Variants in MRPL3 observed in about 807,000 individuals in gnomAD.
The protein encoded by MRPL3 is large ribosomal subunit protein uL3m.
MRPL3 carries 43 observed loss-of-function variants against 44.3 expected under a neutral mutation model. That is an observed-to-expected ratio of 0.97 (90% CI 0.76 to 1.25). The LOEUF is 1.25. MRPL3 is among the 50% of genes most tolerant of loss of function. The probability of loss-of-function intolerance (pLI) is 0.00; values close to 1 mark genes in which losing one functional copy is unlikely to be tolerated. For synonymous variants in MRPL3, 171 were observed against 152.3 expected, an observed-to-expected ratio of 1.12 and a Z score of -0.91; for missense variants, 406 against 427.6, an observed-to-expected ratio of 0.95 and a Z score of 0.45.
At chr3:131,469,488 G>T (rs532400827) in intron 8 of MRPL3, among the ~76,000 whole-genome samples, 1 of 148,346 alleles carries the variant, frequency 6.7e-6, no homozygotes, top group South Asian at 2.1e-4. Context: ...TTCATGGCCT[G>T]AAATATACCC....
intron 7 of MRPL3, 147 bp from the exon 8 acceptor site, chr3:131,469,920 T>C (rs2110695839): frequency 1.8e-6 from 1 of 555,958 alleles, no homozygotes; most frequent in Admixed American, 3.3e-5. Context: ...GAACTAAATA[T>C]GGATTTAGGC....
At chr3:131,466,201 G>T (rs1933597738) in intron 9 of MRPL3, among the ~76,000 whole-genome samples, 3 of 151,638 alleles carry the variant, frequency 2.0e-5, no homozygotes. Flanking sequence ...GCTAGTAATG[G>T]AACCTAGAAA....
chr3:131,474,570 G>C (rs1280310087), intron 6 of MRPL3, among the ~76,000 whole-genome samples: 1 of 152,054 alleles, frequency 6.6e-6, no homozygotes, highest in African/African-American at 2.4e-5. Flanking sequence ...AATGATAAAT[G>C]CATGAAGTAA....
chr3:131,463,063 C>T (rs561429322), intron 9 of MRPL3, among the ~76,000 whole-genome samples, 188 bp from the exon 10 acceptor site: 5 of 152,170 alleles, frequency 3.3e-5, no homozygotes, highest in Non-Finnish European at 7.4e-5. Flanking sequence ...TTGACTAATC[C>T]AGTAACAGAA....
intron 6 of MRPL3, among the ~76,000 whole-genome samples, chr3:131,471,559 A>G (rs1264016232): frequency 1.3e-5 from 2 of 152,186 alleles, no homozygotes; most frequent in South Asian, 2.1e-4. Flanking sequence ...TCTGAACAGG[A>G]GTTTTATCAT....
At chr3:131,479,544 T>A (rs1933928315) in intron 6 of MRPL3, among the ~76,000 whole-genome samples, 1 of 152,094 alleles carries the variant, frequency 6.6e-6, no homozygotes, top group African/African-American at 2.4e-5. Flanking sequence ...TAAAACAGAT[T>A]AGAATTAAGA....
Position 131,471,197 on chromosome 3 carries a change from T to A in MRPL3, c.712A>T (p.Arg238Trp). 1 of 1,613,114 alleles carries A rather than the reference T, an allele frequency of 6.2e-7. No individual in the cohort carries two copies. The part of the protein sequence containing the change: ...PATHGQTKTH[R>W]RPGAVATGDI... ...CCAGTTGCAACAGCTCCAGGTCTCCTGTGGGTTTTCGTTTGACCATGCGTA... is the reference window on the plus strand; with the variant it reads ...CCAGTTGCAACAGCTCCAGGTCTCCAGTGGGTTTTCGTTTGACCATGCGTA... The change falls in exon 7 of 10, where the codon AGG becomes TGG. Residue 238 changes from arginine (R) to tryptophan (W), a missense_variant. Coordinates refer to ENST00000264995, the MANE Select transcript of MRPL3 (RefSeq NM_007208.4).
chr3:131,474,990 T>C (rs117119433), intron 6 of MRPL3, among the ~76,000 whole-genome samples: 1 of 152,156 alleles, frequency 6.6e-6, no homozygotes, highest in East Asian at 1.9e-4. Flanking sequence ...CTTTGTTGCT[T>C]AGGCTGGTCT....
chr3:131,499,398 C>T (rs1055456537), intron 3 of MRPL3, among the ~76,000 whole-genome samples: 1 of 152,190 alleles, frequency 6.6e-6, no homozygotes, highest in African/African-American at 2.4e-5. Context: ...TACAGGCTAA[C>T]TCGTCTTAAT....
intron 7 of MRPL3, 84 bp downstream of exon 7, chr3:131,471,087 A>T: frequency 1.1e-6 from 1 of 931,764 alleles, no homozygotes; most frequent in East Asian, 2.4e-5. Flanking sequence ...AAATTATGTG[A>T]CTTCATATCA....
chr3:131,467,854 G>A (rs1439567493), intron 9 of MRPL3, among the ~76,000 whole-genome samples: 1 of 152,026 alleles, frequency 6.6e-6, no homozygotes, highest in Non-Finnish European at 1.5e-5. Context: ...GAAAGAAATA[G>A]AATACAGGTT....
intron 8 of MRPL3, among the ~76,000 whole-genome samples, chr3:131,468,449 A>G (rs1003698812): frequency 6.6e-6 from 1 of 152,158 alleles, no homozygotes; most frequent in Non-Finnish European, 1.5e-5. Context: ...TGTTGGCACC[A>G]TTAACAATAA....
At chr3:131,467,752 T>C (rs1933645407) in intron 9 of MRPL3, among the ~76,000 whole-genome samples, 1 of 152,134 alleles carries the variant, frequency 6.6e-6, no homozygotes, top group African/African-American at 2.4e-5. Flanking sequence ...ATTTATAAAT[T>C]ACCCAATCTT....
intron 6 of MRPL3, among the ~76,000 whole-genome samples, chr3:131,484,181 AGAG>A (rs1315282062): frequency 6.6e-6 from 1 of 152,228 alleles, no homozygotes; most frequent in Non-Finnish European, 1.5e-5. Context: ...TGTGCTAGGT[AGAG>A]GAGTGAGGAG....
intron 9 of MRPL3, among the ~76,000 whole-genome samples, chr3:131,463,637 A>C (rs1933539573): frequency 6.6e-6 from 1 of 152,148 alleles, no homozygotes. Context: ...ACAGAATAAT[A>C]TTTAGCAAAA....
chr3:131,495,537 CCACAACATTAGAA>C (rs1934348376), intron 4 of MRPL3, among the ~76,000 whole-genome samples: 2 of 152,068 alleles, frequency 1.3e-5, no homozygotes, highest in Non-Finnish European at 2.9e-5. Context: ...TCAAAATCCA[CCACAACATTAGAA>C]CACAACATCC....
intron 9 of MRPL3, 54 bp downstream of exon 9, chr3:131,468,037 G>A (rs1332810747): frequency 8.9e-5 from 80 of 894,470 alleles, no homozygotes; most frequent in Non-Finnish European, 1.2e-4. Context: ...TTGTTAGCTT[G>A]CGAGTAAGAA....
At chr3:131,479,042 A>G in intron 6 of MRPL3, 1 of 457,284 alleles carries the variant, frequency 2.2e-6, no homozygotes, top group Non-Finnish European at 4.3e-6. Context: ...TACTCTAAGT[A>G]GAGGTTTTTC....
At chr3:131,484,260 C>A (rs752156335) in intron 6 of MRPL3, among the ~76,000 whole-genome samples, 3 of 152,124 alleles carry the variant, frequency 2.0e-5, no homozygotes, top group Non-Finnish European at 4.4e-5. Context: ...TGTTTCCGGA[C>A]CAGCAGCATC....
Sources: allele counts gnomAD v4.1 joint callset (sites outside exome capture counted in the v4.1 genomes callset), GRCh38; gene constraint gnomAD v4.1.1; transcripts MANE v1.5; gene names NCBI Gene and HGNC (gene_info 2026-07-23, HGNC 2026-07-21).